PRKD1: variants seen among roughly 807,000 people sequenced by gnomAD.
PRKD1 encodes protein kinase D1.
In PRKD1, 63 loss-of-function variants were observed where a neutral mutation model predicts 95.9. The observed-to-expected ratio is 0.66, with a 90% confidence interval of 0.54 to 0.81. PRKD1 has a LOEUF of 0.81. Among genes scored for constraint, PRKD1 ranks in the 30% least tolerant of loss-of-function variants. The probability of loss-of-function intolerance (pLI) is 0.00; values close to 1 mark genes in which losing one functional copy is unlikely to be tolerated. For synonymous variants in PRKD1, 425 were observed against 423.1 expected (o/e 1.00, Z -0.05); for missense variants, 1,048 against 1,165.3 (o/e 0.90, Z 1.47).
At chr14:29,685,782 A>T (rs1305547252) in intron 2 of PRKD1, among the ~76,000 whole-genome samples, 1 of 151,928 alleles carries the variant, frequency 6.6e-6, no homozygotes, top group Non-Finnish European at 1.5e-5. Flanking sequence ...GCAATACTGG[A>T]CCAGCTAACT....
chr14:29,850,086 C>G (rs1594575928), intron 1 of PRKD1, among the ~76,000 whole-genome samples: 2 of 152,094 alleles, frequency 1.3e-5, no homozygotes, highest in African/African-American at 4.8e-5. Flanking sequence ...AAACCCACAG[C>G]CAATGTCATA....
intron 13 of PRKD1, among the ~76,000 whole-genome samples, chr14:29,621,476 G>A (rs1260920356): frequency 6.8e-6 from 1 of 147,978 alleles, no homozygotes; most frequent in Non-Finnish European, 1.5e-5. Flanking sequence ...ATTTTCATTT[G>A]GGGGACATGA....
At position 29,769,709 on chromosome 14, in the gene PRKD1, C is replaced by T. The variant is rs187075651; in HGVS notation, c.265-44035G>A. Among the ~76,000 whole-genome samples the T allele has an allele frequency of 3.0e-4, 45 of 152,334 alleles. No individual in the cohort carries two copies. The East Asian group carries it at 5.2e-3, about 18-fold the overall frequency. On this transcript the variant is annotated intron_variant, in intron 1 of 17. Transcript: ENST00000331968. ...TAGGAAACTAACAAACTATATACCA[C>T]ATACACATGCATATACACAAATATA...
intron 1 of PRKD1, among the ~76,000 whole-genome samples, chr14:29,873,923 GTT>G (rs1427803681): frequency 6.6e-6 from 1 of 152,072 alleles, no homozygotes; most frequent in Non-Finnish European, 1.5e-5. Flanking sequence ...TAGTGTGTGT[GTT>G]TAAAAGACTA....
intron 1 of PRKD1, among the ~76,000 whole-genome samples, chr14:29,763,818 T>G (rs138807976): frequency 0.02 from 3,059 of 152,272 alleles, 103 homozygotes; most frequent in Admixed American, 0.087. Context: ...TCTGTGAATC[T>G]ACACAGAGTT....
intron 2 of PRKD1, among the ~76,000 whole-genome samples, chr14:29,713,936 C>T (rs1885463882): frequency 6.6e-6 from 1 of 152,194 alleles, no homozygotes; most frequent in Non-Finnish European, 1.5e-5. Context: ...AGGCCGGTTA[C>T]TTCTAGACCT....
At chr14:29,808,704 C>T (rs139103587) in intron 1 of PRKD1, among the ~76,000 whole-genome samples, 2 of 152,078 alleles carry the variant, frequency 1.3e-5, no homozygotes, top group East Asian at 3.9e-4. Flanking sequence ...GGTTCTACTT[C>T]TAATTCTAGT....
At chr14:29,903,253 A>G (rs1894381610) in intron 1 of PRKD1, among the ~76,000 whole-genome samples, 1 of 152,230 alleles carries the variant, frequency 6.6e-6, no homozygotes, top group Admixed American at 6.5e-5. Flanking sequence ...CATACTATCC[A>G]ACCAGCCTCG....
At chr14:29,587,048 C>T (rs948386465) in intron 16 of PRKD1, among the ~76,000 whole-genome samples, 1 of 152,168 alleles carries the variant, frequency 6.6e-6, no homozygotes, top group Non-Finnish European at 1.5e-5. Flanking sequence ...GAAGAAAAAA[C>T]TGACTTGTGC....
intron 2 of PRKD1, among the ~76,000 whole-genome samples, chr14:29,704,766 A>G (rs1884997056): frequency 6.6e-6 from 1 of 152,164 alleles, no homozygotes; most frequent in Non-Finnish European, 1.5e-5. Flanking sequence ...TTACTCAGGT[A>G]TTTTAAATGA....
chr14:29,639,616 T>C (rs1024649297), intron 4 of PRKD1, among the ~76,000 whole-genome samples: 1 of 147,288 alleles, frequency 6.8e-6, no homozygotes, highest in Admixed American at 6.8e-5. Context: ...TGAAACTCCA[T>C]CTCAAAAAAA....
chr14:29,858,940 A>C (rs1013827845), intron 1 of PRKD1, among the ~76,000 whole-genome samples: 1 of 152,156 alleles, frequency 6.6e-6, no homozygotes, highest in African/African-American at 2.4e-5. Flanking sequence ...CAATATTACA[A>C]GTCTCCTCTA....
chr14:29,627,634 CTGACTT>C (rs921832861), intron 11 of PRKD1, among the ~76,000 whole-genome samples: 8 of 152,160 alleles, frequency 5.3e-5, no homozygotes, highest in Non-Finnish European at 1.2e-4. Context: ...CCCTTATACT[CTGACTT>C]TATTTTTTTA....
intron 1 of PRKD1, among the ~76,000 whole-genome samples, chr14:29,848,404 C>CT (rs35922190): frequency 6.6e-6 from 1 of 152,018 alleles, no homozygotes; most frequent in Non-Finnish European, 1.5e-5. Context: ...CACTTTTTTC[C>CT]TTTTTGAAAG....
At chr14:29,582,069 T>C (rs1462945872) in intron 16 of PRKD1, among the ~76,000 whole-genome samples, 1 of 152,146 alleles carries the variant, frequency 6.6e-6, no homozygotes, top group Non-Finnish European at 1.5e-5. Flanking sequence ...ACATCAGTTC[T>C]TGGTAAGACT....
chr14:29,923,931 T>G (rs2139144767), intron 1 of PRKD1, among the ~76,000 whole-genome samples: 1 of 152,144 alleles, frequency 6.6e-6, no homozygotes, highest in Non-Finnish European at 1.5e-5. Flanking sequence ...TTTAAAACAA[T>G]TCCTCCTCAG....
At chr14:29,855,263 C>A (rs1340388479) in intron 1 of PRKD1, among the ~76,000 whole-genome samples, 1 of 152,146 alleles carries the variant, frequency 6.6e-6, no homozygotes, top group Non-Finnish European at 1.5e-5. Context: ...GGAAGCTGTA[C>A]CCTGCAAAGC....
At chr14:29,890,526 T>C (rs923929026) in intron 1 of PRKD1, among the ~76,000 whole-genome samples, 6 of 152,174 alleles carry the variant, frequency 3.9e-5, no homozygotes, top group South Asian at 2.1e-4. Context: ...GATACATAGA[T>C]AGACGGAACT....
chr14:29,781,507 C>G (rs1158708087), intron 1 of PRKD1, among the ~76,000 whole-genome samples: 2 of 152,172 alleles, frequency 1.3e-5, no homozygotes, highest in Non-Finnish European at 2.9e-5. Context: ...AAAGTTGCAG[C>G]CACCAAATGC....
Sources: allele counts gnomAD v4.1 joint callset (sites outside exome capture counted in the v4.1 genomes callset), GRCh38; gene constraint gnomAD v4.1.1; transcripts MANE v1.5; gene names NCBI Gene and HGNC (gene_info 2026-07-23, HGNC 2026-07-21).